DHRSX: variants seen among roughly 807,000 people sequenced by gnomAD.
DHRSX encodes the protein polyprenol dehydrogenase.
A neutral mutation model predicts 34.0 loss-of-function variants in DHRSX; 31 were observed. The ratio of observed to expected loss-of-function variants is 0.91; its 90% CI spans 0.69 to 1.23. DHRSX has a LOEUF of 1.23. Among genes scored for constraint, DHRSX ranks in the 50% most tolerant of loss-of-function variants. DHRSX has a pLI of 0.00. For synonymous variants in DHRSX, 201 were observed against 183.8 expected (o/e 1.09, Z -0.76); for missense variants, 414 against 428.1 (o/e 0.97, Z 0.29).
At position 2,489,428 on chromosome X, in the gene DHRSX, T is replaced by C. The variant is rs1248238265; in HGVS notation, c.109+11389A>G. ...GGTCTCCTTGATGTTGAGCGTGGTG[T>C]TCAGGAGCATGTGCAGCAGCGGCTT... On this transcript the variant is annotated intron_variant, in intron 1 of 6. Coordinates refer to ENST00000334651, the MANE Select transcript of DHRSX (RefSeq NM_145177.3). 6 of 1,613,828 alleles carry C rather than the reference T, an allele frequency of 3.7e-6. No individual in the cohort carries two copies. The South Asian group carries it at 6.6e-5, about 18-fold the overall frequency.
At chrX:2,390,038 C>T (rs914025275) in intron 3 of DHRSX, among the ~76,000 whole-genome samples, 12 of 152,128 alleles carry the variant, frequency 7.9e-5, no homozygotes, top group Non-Finnish European at 1.3e-4. Context: ...GCCTCAGCCT[C>T]CCAAATTGCT....
At chrX:2,247,197 C>T (rs894145363) in intron 5 of DHRSX, among the ~76,000 whole-genome samples, 16 of 152,258 alleles carry the variant, frequency 1.1e-4, no homozygotes, top group Admixed American at 1.0e-3. Flanking sequence ...GATCCACCCA[C>T]CTTGGCCTTC....
At chrX:2,260,201 G>A (rs2041344323) in intron 5 of DHRSX, among the ~76,000 whole-genome samples, 1 of 151,820 alleles carries the variant, frequency 6.6e-6, no homozygotes, top group Non-Finnish European at 1.5e-5. Flanking sequence ...TCCATTTAGG[G>A]CCCTTCTTAT....
intron 3 of DHRSX, among the ~76,000 whole-genome samples, chrX:2,298,907 C>G (rs1008503665): frequency 6.8e-6 from 1 of 146,788 alleles, no homozygotes; most frequent in African/African-American, 2.6e-5. Context: ...ATCACTTGAA[C>G]CTGGGAGGCA....
At chrX:2,482,756 C>T (rs1357316946) in intron 1 of DHRSX, among the ~76,000 whole-genome samples, 2 of 152,148 alleles carry the variant, frequency 1.3e-5, no homozygotes, top group Admixed American at 1.3e-4. Flanking sequence ...TCTCAGAGTT[C>T]CTGCCTTTCC....
At chrX:2,346,101 G>A (rs759581518) in intron 3 of DHRSX, among the ~76,000 whole-genome samples, 1 of 152,146 alleles carries the variant, frequency 6.6e-6, no homozygotes, top group South Asian at 2.1e-4. Flanking sequence ...AAAGCTCTTT[G>A]CCTCCTTGTA....
chrX:2,359,193 C>T (rs1256225139), intron 3 of DHRSX, among the ~76,000 whole-genome samples: 2 of 152,160 alleles, frequency 1.3e-5, no homozygotes, highest in East Asian at 1.9e-4. Context: ...ACAGTGTGGC[C>T]ATTCCTCAAA....
At chrX:2,226,978 C>T (rs1039107749) in intron 6 of DHRSX, among the ~76,000 whole-genome samples, 2 of 149,948 alleles carry the variant, frequency 1.3e-5, no homozygotes, top group African/African-American at 2.4e-5. Context: ...AAGAAGGGTT[C>T]GAGTCAGCCT....
chrX:2,411,539 A>G (rs2043628713), intron 2 of DHRSX, among the ~76,000 whole-genome samples: 1 of 140,510 alleles, frequency 7.1e-6, no homozygotes, highest in Admixed American at 7.3e-5. Context: ...TGGGCGACAG[A>G]GCCCAACTCT....
intron 3 of DHRSX, among the ~76,000 whole-genome samples, chrX:2,328,861 C>T (rs1477204652): frequency 6.6e-6 from 1 of 152,086 alleles, no homozygotes; most frequent in Non-Finnish European, 1.5e-5. Context: ...AGAAGAGACT[C>T]CAGCATCTGC....
At chrX:2,499,682 G>A (rs144185550) in intron 1 of DHRSX, among the ~76,000 whole-genome samples, 22 of 152,290 alleles carry the variant, frequency 1.4e-4, no homozygotes, top group African/African-American at 4.8e-4. Flanking sequence ...CCAGGTAGGA[G>A]GATTGCTTCG....
intron 3 of DHRSX, among the ~76,000 whole-genome samples, chrX:2,395,123 A>G (rs2043393656): frequency 6.6e-6 from 1 of 152,146 alleles, no homozygotes. Flanking sequence ...GGACAGCCCG[A>G]GGTCACAGGG....
chrX:2,309,189 G>A (rs1448335341), intron 3 of DHRSX, among the ~76,000 whole-genome samples: 1 of 152,112 alleles, frequency 6.6e-6, no homozygotes, highest in Non-Finnish European at 1.5e-5. Flanking sequence ...ATGGCATGAA[G>A]AAAGGGTAGA....
intron 3 of DHRSX, among the ~76,000 whole-genome samples, chrX:2,360,681 G>C (rs2042922590): frequency 6.6e-6 from 1 of 151,836 alleles, no homozygotes; most frequent in South Asian, 2.1e-4. Context: ...GATGGTAATG[G>C]AGCCAGGTTA....
At chrX:2,419,182 G>A (rs1302214666) in intron 2 of DHRSX, among the ~76,000 whole-genome samples, 1 of 152,130 alleles carries the variant, frequency 6.6e-6, no homozygotes, top group East Asian at 1.9e-4. Flanking sequence ...AGGCTTTGCG[G>A]GATGATTAGG....
Position 2,247,114 on chromosome X carries a change from A to G in DHRSX, c.597-3884T>C, listed in dbSNP as rs180765453. On this transcript the variant is annotated intron_variant, in intron 5 of 6. Coordinates refer to ENST00000334651, the MANE Select transcript of DHRSX (RefSeq NM_145177.3). Reference sequence around the variant, plus strand: ...CAGGCATACACCACCATGCCCAGATAATTTTTGCATTTTTAGTAGAGACGG... The same window carrying G: ...CAGGCATACACCACCATGCCCAGATGATTTTTGCATTTTTAGTAGAGACGG... 1.7e-3 allele frequency among the ~76,000 whole-genome samples: 264 copies of G among 152,074 alleles called. 2 individuals carry two copies. Among genetic ancestry groups the G allele is most frequent in the African/African-American group, 6.1e-3 (252 of 41,490 alleles).
chrX:2,347,845 T>C (rs2042740195), intron 3 of DHRSX, among the ~76,000 whole-genome samples: 1 of 152,140 alleles, frequency 6.6e-6, no homozygotes, highest in African/African-American at 2.4e-5. Context: ...ACATGGGACA[T>C]GTAAAATGGT....
chrX:2,394,663 C>A (rs770775870), intron 3 of DHRSX, among the ~76,000 whole-genome samples: 1 of 151,954 alleles, frequency 6.6e-6, no homozygotes, highest in Non-Finnish European at 1.5e-5. Context: ...GTCAAGAGAT[C>A]GAGACCGTCC....
intron 1 of DHRSX, among the ~76,000 whole-genome samples, chrX:2,436,309 T>C (rs2043990196): frequency 6.6e-6 from 1 of 151,852 alleles, no homozygotes; most frequent in Admixed American, 6.6e-5. Flanking sequence ...CCCTGGTCCC[T>C]TCATCTAACA....
Sources: gnomAD v4.1 joint callset for allele counts (sites outside exome capture counted in the v4.1 genomes callset) on GRCh38, gnomAD v4.1.1 for gene constraint, MANE v1.5 for transcripts, NCBI Gene and HGNC (gene_info 2026-07-23, HGNC 2026-07-21) for gene names.